The following DPP8 variants were observed in gnomAD, a reference collection of about 807,000 sequenced individuals.
The protein encoded by DPP8 is DPP VIII.
Under a neutral mutation model 107.5 loss-of-function variants are expected in DPP8, and 31 were observed. The ratio of observed to expected loss-of-function variants is 0.29; its 90% CI spans 0.22 to 0.39. The LOEUF is 0.39. DPP8 is among the 10% of genes least tolerant of loss of function. The pLI, the probability that DPP8 is intolerant of heterozygous loss-of-function variation, is 1.00. For missense variants in DPP8, 842 were observed against 1,076.1 expected, an observed-to-expected ratio of 0.78 and a Z score of 3.04; for synonymous variants, 381 against 356.6, an observed-to-expected ratio of 1.07 and a Z score of -0.77.
At chr15:65,479,989 T>C (rs1323064831) in intron 10 of DPP8, among the ~76,000 whole-genome samples, 1 of 151,986 alleles carries the variant, frequency 6.6e-6, no homozygotes, top group African/African-American at 2.4e-5. Context: ...ATATCTATTA[T>C]CTCCAGGAAC....
chr15:65,503,175 T>C (rs1042082752), intron 3 of DPP8, among the ~76,000 whole-genome samples: 3 of 152,178 alleles, frequency 2.0e-5, no homozygotes, highest in African/African-American at 4.8e-5. Flanking sequence ...TGGCGCGATC[T>C]CGGCTCACCG....
chr15:65,503,645 T>A (rs1280814946), intron 3 of DPP8, among the ~76,000 whole-genome samples: 1 of 151,538 alleles, frequency 6.6e-6, no homozygotes, highest in Non-Finnish European at 1.5e-5. Flanking sequence ...TTTTTTGAGA[T>A]GAAGTCTTGC....
chr15:65,456,176 C>A, intron 16 of DPP8, 49 bp downstream of exon 16: 1 of 1,584,666 alleles, frequency 6.3e-7, no homozygotes, highest in Non-Finnish European at 8.6e-7. Flanking sequence ...AAACAATGGA[C>A]CAGAAAATGT....
Position 65,445,789 on chromosome 15 carries a change from G to C in DPP8, c.*1095C>G, listed in dbSNP as rs1049542869. 1 of 152,298 alleles carries C rather than the reference G, an allele frequency of 6.6e-6. No homozygotes were observed. Among genetic ancestry groups the C allele is most frequent in the Non-Finnish European group, 1.5e-5 (1 of 67,968 alleles). 9.4% of individuals were successfully genotyped at this position (152,298 alleles called of 1,614,324 possible). Reference sequence around the variant, plus strand: ...ACTCTGTAGCTGTGCTGGCAAGACAGTGATTTATTGATTCTGGTTTCCTTA... The same window carrying C: ...ACTCTGTAGCTGTGCTGGCAAGACACTGATTTATTGATTCTGGTTTCCTTA... On this transcript the variant is annotated 3_prime_UTR_variant, in exon 20 of 20. Transcript: ENST00000300141.
At chr15:65,508,012 C>A (rs2070283694) in intron 2 of DPP8, among the ~76,000 whole-genome samples, 9 of 151,694 alleles carry the variant, frequency 5.9e-5, no homozygotes, top group Admixed American at 5.9e-4. Flanking sequence ...CCGAGGCAGG[C>A]AGATCATTTG....
chr15:65,515,674 G>C (rs141957108), intron 1 of DPP8: 74 of 1,613,682 alleles, frequency 4.6e-5, no homozygotes, highest in African/African-American at 8.0e-5. Context: ...ATTTTCATCT[G>C]CTCAGATCTC....
intron 11 of DPP8, among the ~76,000 whole-genome samples, chr15:65,477,409 A>T (rs879909681): frequency 1.3e-5 from 2 of 151,964 alleles, no homozygotes; most frequent in African/African-American, 2.4e-5. Flanking sequence ...AAAATAAATG[A>T]ATTAATTAAT....
intron 1 of DPP8, among the ~76,000 whole-genome samples, chr15:65,514,951 G>A (rs1191882713): frequency 1.3e-5 from 2 of 152,178 alleles, no homozygotes; most frequent in African/African-American, 4.8e-5. Flanking sequence ...TAGGGCTGGG[G>A]AACAGAATAG....
intron 12 of DPP8, among the ~76,000 whole-genome samples, chr15:65,470,269 T>C (rs1246590257): frequency 8.4e-6 from 1 of 118,628 alleles, no homozygotes; most frequent in Non-Finnish European, 1.8e-5. Context: ...CTTGTAAAAG[T>C]AGAGAAGGAA....
chr15:65,507,420 G>T (rs80187194), intron 2 of DPP8, 65 bp from the exon 3 acceptor site: 15 of 1,004,674 alleles, frequency 1.5e-5, no homozygotes, highest in Non-Finnish European at 2.2e-5. Flanking sequence ...AGTCACAGTT[G>T]CAAGTACATA....
chr15:65,508,070 T>C (rs563156695), intron 2 of DPP8, among the ~76,000 whole-genome samples: 122 of 152,196 alleles, frequency 8.0e-4, no homozygotes, highest in Admixed American at 3.7e-3. Flanking sequence ...AAACCTTGTC[T>C]GTACTAAAAA....
intron 11 of DPP8, among the ~76,000 whole-genome samples, chr15:65,476,233 A>G (rs2066379236): frequency 6.6e-6 from 1 of 152,346 alleles, no homozygotes; most frequent in South Asian, 2.1e-4. Context: ...GTTCCACGTA[A>G]GTTTAAAAAA....
At chr15:65,455,879 A>C (rs2140376350) in intron 16 of DPP8, 1 of 1,271,310 alleles carries the variant, frequency 7.9e-7, no homozygotes, top group East Asian at 5.3e-5. Context: ...GGAAGGCACT[A>C]ACCAGTTGGA....
chr15:65,516,877 G>A (rs1158243862), intron 1 of DPP8: 1 of 152,404 alleles, frequency 6.6e-6, no homozygotes, highest in Non-Finnish European at 1.5e-5. Context: ...GCATAGCAGA[G>A]AATATTGAGA....
At chr15:65,460,750 C>T (rs2064848121) in intron 15 of DPP8, among the ~76,000 whole-genome samples, 1 of 152,230 alleles carries the variant, frequency 6.6e-6, no homozygotes, top group Admixed American at 6.5e-5. Flanking sequence ...GACACGTGCA[C>T]TGCCTTTTGG....
Position 65,463,827 on chromosome 15 carries a change from G to A in DPP8, c.1905C>T (p.Tyr635=), listed in dbSNP as rs1197378722. 1 of 1,611,064 alleles carries A rather than the reference G, an allele frequency of 6.2e-7. No individual in the cohort carries two copies. The highest frequency in any genetic ancestry group is 8.5e-7 in the Non-Finnish European group (1 of 1,178,408). ...TTGFTLYGML[Y]KPHDLQPGKK... ...TTCCAGGCTGTAGATCATGAGGCTTGTAGAGCATCCCATACAATGTAAATC... is the reference window on the plus strand; with the variant it reads ...TTCCAGGCTGTAGATCATGAGGCTTATAGAGCATCCCATACAATGTAAATC... The change falls in exon 15 of 20, where the codon TAC becomes TAT. Residue 635 remains tyrosine (Y), a synonymous_variant. Transcript: ENST00000300141.
Position 65,454,418 on chromosome 15 carries a change from G to A in DPP8, c.2119-3C>T. 1 of 1,582,946 alleles carries A rather than the reference G, an allele frequency of 6.3e-7. No individual in the cohort carries two copies. The highest frequency in any genetic ancestry group is 8.6e-7 in the Non-Finnish European group (1 of 1,169,264). On this transcript the variant is annotated splice_region_variant and splice_polypyrimidine_tract_variant and intron_variant, in intron 16 of 19. Transcript: ENST00000300141. ...TGATCGTCAATTTCTATTTGACCCT[G>A]TCAAAAAAGGGAGAACATTTCACTG...
intron 5 of DPP8, among the ~76,000 whole-genome samples, chr15:65,493,334 G>A (rs1040844811): frequency 1.9e-4 from 29 of 152,108 alleles, no homozygotes; most frequent in Admixed American, 1.8e-3. Flanking sequence ...TGCCTGCCTC[G>A]GCCTCCCAAA....
Position 65,446,989 on chromosome 15 carries a change from T to C in DPP8, c.2544A>G (p.Arg848=), listed in dbSNP as rs748573078. 2.6e-5 allele frequency: 42 copies of C among 1,608,842 alleles called. No individual in the cohort carries two copies. The highest frequency in any genetic ancestry group is 3.1e-5 in the Non-Finnish European group (37 of 1,177,764). The part of the protein sequence containing the change: ...PYDLQIYPQE[R]HSIRVPESGE... ...CCGATTCAGGAACTCTTATGCTGTG[T>C]CTCTCCTGAGGATAGATCTTACCAA... The change falls in exon 20 of 20, where the codon AGA becomes AGG. Residue 848 remains arginine, a synonymous_variant. Transcript: ENST00000300141.
Sources: allele counts gnomAD v4.1 joint callset (sites outside exome capture counted in the v4.1 genomes callset), GRCh38; gene constraint gnomAD v4.1.1; transcripts MANE v1.5; gene names NCBI Gene and HGNC (gene_info 2026-07-23, HGNC 2026-07-21).